Variants in DAPK1 observed in about 807,000 individuals in gnomAD.
DAPK1 encodes death-associated protein kinase 1.
A neutral mutation model predicts 144.9 loss-of-function variants in DAPK1; 56 were observed. That is an observed-to-expected ratio of 0.39 (90% CI 0.31 to 0.48). The LOEUF (loss-of-function observed/expected upper bound fraction) is 0.48. Among genes scored for constraint, DAPK1 ranks in the 20% least tolerant of loss-of-function variants. DAPK1 has a pLI of 0.95. For synonymous variants in DAPK1, 690 were observed against 749.0 expected (o/e 0.92, Z 1.29); for missense variants, 1,454 against 1,875.4 (o/e 0.78, Z 4.15).
At chr9:87,566,020 CTTTTT>C (rs11354174) in intron 2 of DAPK1, among the ~76,000 whole-genome samples, 3 of 120,630 alleles carry the variant, frequency 2.5e-5, no homozygotes, top group African/African-American at 3.2e-5. Flanking sequence ...TCTCAGCATT[CTTTTT>C]TTTTTTTTTT....
chr9:87,589,099 G>A (rs1357200672), intron 2 of DAPK1, among the ~76,000 whole-genome samples: 2 of 143,704 alleles, frequency 1.4e-5, no homozygotes, highest in East Asian at 4.0e-4. Context: ...AGTAGAGACA[G>A]GGTTTCTCCA....
chr9:87,573,615 C>G (rs1827444685), intron 2 of DAPK1, among the ~76,000 whole-genome samples: 1 of 152,186 alleles, frequency 6.6e-6, no homozygotes, highest in Admixed American at 6.5e-5. Flanking sequence ...CACCAAGGAT[C>G]AGACTTCTGG....
At chr9:87,648,129 C>T (rs1830331372) in intron 14 of DAPK1, among the ~76,000 whole-genome samples, 1 of 152,242 alleles carries the variant, frequency 6.6e-6, no homozygotes, top group African/African-American at 2.4e-5. Flanking sequence ...ACATTCATAT[C>T]AGAGACACGC....
intron 25 of DAPK1, 40 bp downstream of exon 25, chr9:87,703,257 G>A (rs577813639): frequency 1.6e-5 from 20 of 1,227,036 alleles, no homozygotes; most frequent in South Asian, 1.4e-4. Context: ...CGTGAGAGGT[G>A]CCAGGGACTC....
At chr9:87,600,352 G>A (rs1186600905) in intron 2 of DAPK1, among the ~76,000 whole-genome samples, 2 of 152,180 alleles carry the variant, frequency 1.3e-5, no homozygotes, top group Non-Finnish European at 1.5e-5. Flanking sequence ...TTGGGTGGCC[G>A]AGGTGGGAGG....
At chr9:87,577,079 A>T (rs1418141439) in intron 2 of DAPK1, among the ~76,000 whole-genome samples, 2 of 152,148 alleles carry the variant, frequency 1.3e-5, no homozygotes, top group African/African-American at 4.8e-5. Context: ...TGGGGAAGAG[A>T]TAATATTCTG....
At chr9:87,663,201 TA>T (rs1457508556) in intron 18 of DAPK1, among the ~76,000 whole-genome samples, 5 of 152,138 alleles carry the variant, frequency 3.3e-5, no homozygotes, top group Non-Finnish European at 1.5e-5. Context: ...CCGTTCCACG[TA>T]ACCCTCAGCA....
chr9:87,666,754 A>G (rs189878534), intron 18 of DAPK1, among the ~76,000 whole-genome samples: 69 of 152,250 alleles, frequency 4.5e-4, no homozygotes, highest in Non-Finnish European at 7.4e-4. Context: ...GATTACAGGC[A>G]TGAGCCACCA....
rs377522084 is a variant in DAPK1 at position 87,515,405 on chromosome 9, T to C, written c.62+16266T>C. 1.1e-4 allele frequency among the ~76,000 whole-genome samples: 17 copies of C among 152,326 alleles called. No individual in the cohort carries two copies. In the East Asian group the frequency reaches 1.2e-3, roughly 10 times the overall value. ...AAAGGCTTAAAGAGATTAAATAATT[T>C]AATATGCTGAAATGAGTAAGTGGCA... On this transcript the variant is annotated intron_variant, in intron 2 of 25. Transcript: ENST00000408954.
At chr9:87,548,738 G>A (rs1449401068) in intron 2 of DAPK1, among the ~76,000 whole-genome samples, 2 of 152,072 alleles carry the variant, frequency 1.3e-5, no homozygotes, top group Non-Finnish European at 1.5e-5. Context: ...CTCCTGGTGA[G>A]CGTGCACTGA....
intron 3 of DAPK1, among the ~76,000 whole-genome samples, chr9:87,609,833 GAAGTCCACGGC>G (rs1340653297): frequency 1.3e-5 from 2 of 152,190 alleles, no homozygotes; most frequent in Admixed American, 1.3e-4. Context: ...GCTTTGACAT[GAAGTCCACGGC>G]AAGTCGAACT....
At chr9:87,589,727 AT>A (rs1287702656) in intron 2 of DAPK1, among the ~76,000 whole-genome samples, 1 of 152,220 alleles carries the variant, frequency 6.6e-6, no homozygotes, top group Non-Finnish European at 1.5e-5. Flanking sequence ...TATATTAGCC[AT>A]TCCTCTTTGG....
chr9:87,593,214 A>G (rs1828201701), intron 2 of DAPK1, among the ~76,000 whole-genome samples: 1 of 152,244 alleles, frequency 6.6e-6, no homozygotes, highest in African/African-American at 2.4e-5. Context: ...TAAATGCCAC[A>G]TAGTGCCAGT....
At chr9:87,544,098 A>G (rs1033251358) in intron 2 of DAPK1, among the ~76,000 whole-genome samples, 4 of 152,230 alleles carry the variant, frequency 2.6e-5, no homozygotes, top group Admixed American at 6.5e-5. Context: ...TATACAAGCA[A>G]CATAATTCAT....
At chr9:87,525,385 G>A (rs1047466228) in intron 2 of DAPK1, 5 of 1,611,254 alleles carry the variant, frequency 3.1e-6, no homozygotes, top group Middle Eastern at 2.3e-4. Context: ...CAAACAACCG[G>A]CACGGTCTGA....
At chr9:87,690,195 CT>C (rs1477023430) in intron 21 of DAPK1, among the ~76,000 whole-genome samples, 2 of 151,964 alleles carry the variant, frequency 1.3e-5, no homozygotes, top group East Asian at 3.9e-4. Flanking sequence ...GTGTTTTGTG[CT>C]TTTCCTTGTA....
At chr9:87,498,142 A>C (rs549129067) in intron 1 of DAPK1, 35 bp downstream of exon 1, 1 of 396,150 alleles carries the variant, frequency 2.5e-6, no homozygotes, top group African/African-American at 2.1e-5. Flanking sequence ...GGTCCCCCCG[A>C]CCCCCGGCGC....
At chr9:87,613,436 T>C (rs1000893364) in intron 3 of DAPK1, among the ~76,000 whole-genome samples, 2 of 152,230 alleles carry the variant, frequency 1.3e-5, no homozygotes, top group African/African-American at 4.8e-5. Flanking sequence ...AACTGCTAAG[T>C]TGTATTCAAA....
At chr9:87,673,054 C>T (rs1209745915) in intron 19 of DAPK1, among the ~76,000 whole-genome samples, 1 of 152,194 alleles carries the variant, frequency 6.6e-6, no homozygotes, top group Non-Finnish European at 1.5e-5. Flanking sequence ...CAGTGTTTCT[C>T]ACTGGGTGCT....
Sources: allele counts gnomAD v4.1 joint callset (sites outside exome capture counted in the v4.1 genomes callset), GRCh38; gene constraint gnomAD v4.1.1; transcripts MANE v1.5; gene names NCBI Gene and HGNC (gene_info 2026-07-23, HGNC 2026-07-21).